OTUB1: variants seen among roughly 807,000 people sequenced by gnomAD.
The protein encoded by OTUB1 is ubiquitin thioesterase OTUB1.
In OTUB1, 10 loss-of-function variants were observed where a neutral mutation model predicts 35.8. The observed-to-expected ratio is 0.28, with a 90% CI of 0.17 to 0.47. The LOEUF (loss-of-function observed/expected upper bound fraction) is 0.47, where lower values mean the gene tolerates loss of function less well. OTUB1 is among the 20% of genes least tolerant of loss of function. The probability of loss-of-function intolerance (pLI) is 0.99; values close to 1 mark genes in which losing one functional copy is unlikely to be tolerated. For missense variants in OTUB1, 264 were observed against 351.6 expected, an observed-to-expected ratio of 0.75 and a Z score of 1.99; for synonymous variants, 158 against 143.8, an observed-to-expected ratio of 1.10 and a Z score of -0.71.
chr11:63,986,763 G>A, intron 1 of OTUB1: 1 of 492,282 alleles, frequency 2.0e-6, no homozygotes, highest in Non-Finnish European at 3.6e-6. Flanking sequence ...GTGCGCCCGG[G>A]GCGGGGCCTG....
At chr11:63,988,546 C>A in intron 2 of OTUB1, 108 bp from the exon 3 acceptor site, 1 of 1,235,480 alleles carries the variant, frequency 8.1e-7, no homozygotes. Flanking sequence ...TTCTGGGGGT[C>A]GCTGTGCCAC....
At chr11:63,988,517 A>G (rs1303806638) in intron 2 of OTUB1, 119 bp downstream of exon 2, 7 of 1,281,292 alleles carry the variant, frequency 5.5e-6, no homozygotes, top group Non-Finnish European at 7.9e-6. Context: ...TCCCTAGGCT[A>G]TGCTAGGTAC....
At position 63,986,492 on chromosome 11, in the gene OTUB1, G is replaced by A. The variant is rs1275502101; in HGVS notation, c.36G>A (p.Glu12=). 1.3e-6 allele frequency: 2 copies of A among 1,553,444 alleles called. No individual in the cohort carries two copies. Among genetic ancestry groups the A allele is most frequent in the Non-Finnish European group, 8.7e-7 (1 of 1,148,944 alleles). Residue 12 remains glutamate, a synonymous_variant, in exon 1 of 7, where the codon GAG becomes GAA. Coordinates refer to ENST00000538426, the MANE Select transcript of OTUB1 (RefSeq NM_017670.3). ...AGGAACCTCAGCAGCAGAAGCAGGA[G>A]CCGCTGGGCAGCGACTCCGAAGGTA... ...AAEEPQQQKQ[E]PLGSDSEGVN...
At chr11:63,992,657 TCTC>T (rs1160493967) in intron 3 of OTUB1, among the ~76,000 whole-genome samples, 3 of 152,034 alleles carry the variant, frequency 2.0e-5, no homozygotes, top group Non-Finnish European at 2.9e-5. Context: ...TTCAAGCAAT[TCTC>T]CTGCCTCAGC....
At position 63,997,772 on chromosome 11, in the gene OTUB1, G is replaced by T. The variant is rs1329166879; in HGVS notation, c.*226G>T. ...GTCTGCTGCCCCCTCCCCCCAGGTG[G>T]GTCCCCCTGCTTTTCACCTATCTAC... On this transcript the variant is annotated 3_prime_UTR_variant, in exon 7 of 7. Coordinates refer to ENST00000538426, the MANE Select transcript of OTUB1 (RefSeq NM_017670.3). 1 of 701,116 alleles carries T rather than the reference G, an allele frequency of 1.4e-6. No homozygotes were observed. Among genetic ancestry groups the T allele is most frequent in the South Asian group, 1.5e-5 (1 of 67,534 alleles). 43.4% of individuals were successfully genotyped at this position (701,116 alleles called of 1,614,324 possible). A position where few individuals can be genotyped will look rare whatever the true frequency, so the allele number is the denominator to read the frequency against.
chr11:63,992,922 A>G (rs1942685509), intron 3 of OTUB1, among the ~76,000 whole-genome samples: 1 of 152,220 alleles, frequency 6.6e-6, no homozygotes, highest in African/African-American at 2.4e-5. Flanking sequence ...CTGACCTCAA[A>G]TGATCCACCC....
At chr11:63,990,025 A>T (rs1942656941) in intron 3 of OTUB1, 1 of 151,942 alleles carries the variant, frequency 6.6e-6, no homozygotes, top group Non-Finnish European at 1.5e-5. Context: ...AAAAAAAAAA[A>T]AAAAGCATCT....
rs550236588 is a variant in OTUB1, at chr11:63,996,480, C to T, written c.220-50C>T. The T allele has an allele frequency of 8.8e-6, 14 of 1,584,452 alleles. No homozygotes were observed. In the African/African-American group the frequency reaches 1.8e-4, roughly 20 times the overall value. On this transcript the variant is annotated intron_variant, in intron 3 of 6. Transcript: ENST00000538426. ...TGCTGGGGGACATTTCCTTGGCCAG[C>T]CCCCGTTCTGGCCTGATGTTAACCT...
chr11:63,988,701 C>G lies in OTUB1; in HGVS notation c.168C>G (p.Val56=), dbSNP rs528268983. The change falls in exon 3 of 7, where the codon GTC becomes GTG. Residue 56 remains valine (V), a synonymous_variant. Transcript: ENST00000538426. ...TGTCAGAGCGGCTGGAGCTCTCGGTCCTATACAAGGAGTATGCTGAAGATG... is the reference window on the plus strand; with the variant it reads ...TGTCAGAGCGGCTGGAGCTCTCGGTGCTATACAAGGAGTATGCTGAAGATG... ...PLVSERLELS[V]LYKEYAEDDN... The G allele has an allele frequency of 1.9e-6, 3 of 1,613,262 alleles. No individual in the cohort carries two copies. In the African/African-American group the frequency reaches 4.0e-5, roughly 22 times the overall value.
rs533312724 is a variant in OTUB1 at position 63,991,573 on chromosome 11, A to G, written c.219+2821A>G. 5.5e-4 allele frequency among the ~76,000 whole-genome samples: 84 copies of G among 151,982 alleles called. 1 individual carries two copies. In the South Asian group the frequency reaches 8.9e-3, roughly 16 times the overall value. ...ACAGCTGTGGCAGCAGAGCCCAAGC[A>G]GAGAGAGCTCCTCTCTCTCTAAATG... On this transcript the variant is annotated intron_variant, in intron 3 of 6. Transcript: ENST00000538426.
chr11:63,996,798 C>G (rs552751767), intron 4 of OTUB1, 59 bp from the exon 5 acceptor site: 5 of 1,611,312 alleles, frequency 3.1e-6, no homozygotes, highest in Non-Finnish European at 4.2e-6. Context: ...TGTCTCGGCC[C>G]TGGCGTCTGG....
intron 2 of OTUB1, 78 bp downstream of exon 2, chr11:63,988,476 A>G (rs1942640228): frequency 8.4e-6 from 12 of 1,422,452 alleles, no homozygotes; most frequent in South Asian, 3.6e-5. Flanking sequence ...CATGAGGCCT[A>G]TTGTCTGTCT....
chr11:63,992,549 CT>C (rs201090841), intron 3 of OTUB1, among the ~76,000 whole-genome samples: 2 of 150,160 alleles, frequency 1.3e-5, no homozygotes, highest in Admixed American at 6.6e-5. Context: ...GGTCACTTTT[CT>C]TTTTTTTTGA....
rs139366963 is a variant in OTUB1, at chr11:63,992,299, T to G, written c.219+3547T>G. ...GAAGGCCTTGCTGATGAGGTGGTAT[T>G]TGAGTAATGAACAGAAAAAGACCGG... On this transcript the variant is annotated intron_variant, in intron 3 of 6. Transcript: ENST00000538426. Among the ~76,000 whole-genome samples, 63 of 151,556 alleles carry G rather than the reference T, an allele frequency of 4.2e-4. No individual in the cohort carries two copies. The East Asian group carries it at 9.7e-3, about 23-fold the overall frequency.
chr11:63,996,688 T>G (rs1942720503), intron 4 of OTUB1, 40 bp downstream of exon 4: 1 of 1,613,880 alleles, frequency 6.2e-7, no homozygotes, highest in Admixed American at 1.7e-5. Flanking sequence ...CAGGTGGGTG[T>G]CTACCTCCTC....
intron 3 of OTUB1, among the ~76,000 whole-genome samples, chr11:63,991,899 C>T (rs868428665): frequency 6.6e-6 from 1 of 152,014 alleles, no homozygotes; most frequent in Non-Finnish European, 1.5e-5. Context: ...TATCAGAAGG[C>T]GGTGAGTGCT....
Position 63,997,146 on chromosome 11 carries a change from T to C in OTUB1, c.520T>C (p.Tyr174His). 1 of 1,614,214 alleles carries C rather than the reference T, an allele frequency of 6.2e-7. No homozygotes were observed. Among genetic ancestry groups the C allele is most frequent in the Non-Finnish European group, 8.5e-7 (1 of 1,180,014 alleles). Reference sequence around the variant, plus strand: ...GAGCACCTCCGACTACCTTGTGGTCTACCTGCGGCTGCTCACCTCGGGCTA... The same window carrying C: ...GAGCACCTCCGACTACCTTGTGGTCCACCTGCGGCTGCTCACCTCGGGCTA... ...DQSTSDYLVV[Y>H]LRLLTSGYLQ... The change falls in exon 6 of 7, where the codon TAC becomes CAC. Residue 174 changes from tyrosine to histidine, a missense_variant. Physicochemically the swap from Tyr to His is moderately conservative, Grantham distance 83 (BLOSUM62 2). Coordinates refer to ENST00000538426, the MANE Select transcript of OTUB1 (RefSeq NM_017670.3).
intron 3 of OTUB1, among the ~76,000 whole-genome samples, chr11:63,994,689 G>A (rs943554457): frequency 1.3e-5 from 2 of 152,208 alleles, no homozygotes; most frequent in Admixed American, 6.5e-5. Flanking sequence ...GGGTGGGGGC[G>A]CCAGCCCAGG....
At chr11:63,991,888 G>T (rs957862149) in intron 3 of OTUB1, among the ~76,000 whole-genome samples, 2 of 152,206 alleles carry the variant, frequency 1.3e-5, no homozygotes, top group African/African-American at 4.8e-5. Context: ...GACATGTGGG[G>T]TATCAGAAGG....
Sources: gnomAD v4.1 joint callset for allele counts (sites outside exome capture counted in the v4.1 genomes callset) on GRCh38, gnomAD v4.1.1 for gene constraint, MANE v1.5 for transcripts, NCBI Gene and HGNC (gene_info 2026-07-23, HGNC 2026-07-21) for gene names.